Variants in NCAM2 observed in about 807,000 individuals in gnomAD.
The protein encoded by NCAM2 is N-CAM-2.
Under a neutral mutation model 98.1 loss-of-function variants are expected in NCAM2, and 30 were observed. That is an observed-to-expected ratio of 0.31 (90% CI 0.23 to 0.41). The LOEUF (loss-of-function observed/expected upper bound fraction) is 0.41. NCAM2 is among the 10% of genes least tolerant of loss of function. The probability of loss-of-function intolerance (pLI) is 1.00; values close to 1 mark genes in which losing one functional copy is unlikely to be tolerated. For missense variants in NCAM2, 867 were observed against 1,005.8 expected, an observed-to-expected ratio of 0.86 and a Z score of 1.87; for synonymous variants, 368 against 342.4, an observed-to-expected ratio of 1.07 and a Z score of -0.83.
intron 12 of NCAM2, 55 bp downstream of exon 12, chr21:21,432,336 C>T: frequency 2.0e-6 from 3 of 1,508,966 alleles, no homozygotes; most frequent in Non-Finnish European, 1.8e-6. Context: ...TTCAGTATAC[C>T]TGTATGATTG....
At chr21:21,216,304 T>TG (rs1418663402) in intron 1 of NCAM2, among the ~76,000 whole-genome samples, 2 of 152,180 alleles carry the variant, frequency 1.3e-5, no homozygotes, top group South Asian at 4.2e-4. Context: ...ACGGAGTATG[T>TG]GGGGGAAGGG....
At chr21:21,361,059 A>G (rs232492) in intron 8 of NCAM2, among the ~76,000 whole-genome samples, 4 of 151,784 alleles carry the variant, frequency 2.6e-5, no homozygotes, top group Admixed American at 2.6e-4. Context: ...TACACCTGCA[A>G]ACATACCCAG....
intron 15 of NCAM2, among the ~76,000 whole-genome samples, chr21:21,478,420 G>GAA (rs1985439341): frequency 6.6e-6 from 1 of 151,770 alleles, no homozygotes; most frequent in Non-Finnish European, 1.5e-5. Context: ...TTTGAAACTG[G>GAA]AAAAGAAAAC....
intron 1 of NCAM2, among the ~76,000 whole-genome samples, chr21:21,111,054 A>T (rs1005147793): frequency 1.1e-4 from 17 of 152,172 alleles, no homozygotes; most frequent in African/African-American, 3.9e-4. Context: ...AAAAGGCAAT[A>T]AAATTAATTC....
At chr21:21,064,906 G>A (rs932050975) in intron 1 of NCAM2, among the ~76,000 whole-genome samples, 3 of 151,972 alleles carry the variant, frequency 2.0e-5, no homozygotes, top group African/African-American at 7.2e-5. Flanking sequence ...AAGGGTGGGC[G>A]CAGTGGCTCA....
chr21:21,116,594 C>T (rs750293220), intron 1 of NCAM2, among the ~76,000 whole-genome samples: 1 of 152,150 alleles, frequency 6.6e-6, no homozygotes, highest in African/African-American at 2.4e-5. Context: ...GCGGCTCACG[C>T]CTGTAATCCC....
chr21:21,530,102 TA>T, intron 16 of NCAM2, among the ~76,000 whole-genome samples: 1 of 78,452 alleles, frequency 1.3e-5, no homozygotes, highest in African/African-American at 4.5e-5. Context: ...AATTTAATTA[TA>T]TATAATTTAA....
chr21:21,466,362 C>T (rs1054488648), intron 12 of NCAM2, among the ~76,000 whole-genome samples: 2 of 151,836 alleles, frequency 1.3e-5, no homozygotes, highest in Non-Finnish European at 2.9e-5. Context: ...ACAAATGAAA[C>T]GGGTAATTTT....
At chr21:21,020,626 C>T (rs1363472456) in intron 1 of NCAM2, among the ~76,000 whole-genome samples, 1 of 152,156 alleles carries the variant, frequency 6.6e-6, no homozygotes, top group Non-Finnish European at 1.5e-5. Flanking sequence ...TGCCCAGAGG[C>T]TCAGCATGCT....
chr21:21,464,573 T>C (rs1458768562), intron 12 of NCAM2, among the ~76,000 whole-genome samples: 1 of 152,098 alleles, frequency 6.6e-6, no homozygotes, highest in African/African-American at 2.4e-5. Flanking sequence ...TTGTAAACAT[T>C]GAGGAAAAGA....
At chr21:21,000,193 A>C (rs1197476716) in intron 1 of NCAM2, among the ~76,000 whole-genome samples, 1 of 152,222 alleles carries the variant, frequency 6.6e-6, no homozygotes. Context: ...ATTGTGTTTA[A>C]CTGTTCATTT....
intron 10 of NCAM2, among the ~76,000 whole-genome samples, chr21:21,411,035 C>T (rs1230366454): frequency 5.3e-5 from 3 of 56,906 alleles, no homozygotes; most frequent in African/African-American, 2.4e-4. Context: ...TATATATACA[C>T]ACATATATAT....
intron 9 of NCAM2, among the ~76,000 whole-genome samples, chr21:21,377,622 A>G (rs232527): frequency 0.37 from 55,691 of 151,620 alleles, 10,461 homozygotes; most frequent in East Asian, 0.58. Context: ...AATTTTTGTT[A>G]TATGTATATA....
intron 14 of NCAM2, among the ~76,000 whole-genome samples, chr21:21,472,552 G>A (rs1984578728): frequency 6.6e-6 from 1 of 151,944 alleles, no homozygotes; most frequent in African/African-American, 2.4e-5. Flanking sequence ...TTAAGAGGAT[G>A]AGTTTTATTC....
At chr21:21,426,598 C>A (rs939959339) in intron 11 of NCAM2, among the ~76,000 whole-genome samples, 10 of 152,228 alleles carry the variant, frequency 6.6e-5, no homozygotes, top group Non-Finnish European at 1.2e-4. Context: ...GTCAGGAAGC[C>A]CTCCTGCCAA....
chr21:21,100,792 G>T (rs1367859421), intron 1 of NCAM2, among the ~76,000 whole-genome samples: 1 of 151,924 alleles, frequency 6.6e-6, no homozygotes. Flanking sequence ...CCTCTTCCTT[G>T]CCCATGCAAG....
At chr21:21,219,770 G>A (rs1568787839) in intron 1 of NCAM2, among the ~76,000 whole-genome samples, 1 of 152,186 alleles carries the variant, frequency 6.6e-6, no homozygotes, top group Admixed American at 6.5e-5. Flanking sequence ...TCAGATGGCA[G>A]TTACCATAGG....
chr21:21,017,648 C>A (rs1359458876), intron 1 of NCAM2, among the ~76,000 whole-genome samples: 1 of 151,960 alleles, frequency 6.6e-6, no homozygotes, highest in African/African-American at 2.4e-5. Context: ...CACAGTGAAT[C>A]AAAAGTTAGG....
intron 1 of NCAM2, among the ~76,000 whole-genome samples, chr21:21,252,614 C>T (rs929783107): frequency 3.3e-5 from 5 of 151,994 alleles, no homozygotes; most frequent in Non-Finnish European, 7.4e-5. Flanking sequence ...AACAGTAATG[C>T]AGTTTTATAT....
Sources: allele counts gnomAD v4.1 joint callset (sites outside exome capture counted in the v4.1 genomes callset), GRCh38; gene constraint gnomAD v4.1.1; transcripts MANE v1.5; gene names NCBI Gene and HGNC (gene_info 2026-07-23, HGNC 2026-07-21).